Variants in PPARGC1B observed in about 807,000 individuals in gnomAD.
PPARGC1B encodes the protein peroxisome proliferator-activated receptor gamma coactivator 1-beta.
In PPARGC1B, 34 loss-of-function variants were observed where a neutral mutation model predicts 101.6. That is an observed-to-expected ratio of 0.33 (90% CI 0.25 to 0.45). PPARGC1B has a LOEUF of 0.45. PPARGC1B is among the 20% of genes least tolerant of loss of function. PPARGC1B has a pLI of 1.00. For synonymous variants in PPARGC1B, 548 were observed against 539.3 expected (o/e 1.02, Z -0.22); for missense variants, 1,234 against 1,317.6 (o/e 0.94, Z 0.98).
chr5:149,780,909 G>A (rs1375304447), intron 1 of PPARGC1B, among the ~76,000 whole-genome samples: 1 of 152,186 alleles, frequency 6.6e-6, no homozygotes, highest in Non-Finnish European at 1.5e-5. Context: ...CTCGAGCTAA[G>A]AAGGGGCTTT....
chr5:149,830,009 T>G (rs35536197), intron 3 of PPARGC1B, among the ~76,000 whole-genome samples: 16,927 of 120,334 alleles, frequency 0.14, 1,386 homozygotes, highest in Middle Eastern at 0.28. Flanking sequence ...CACTCCAGCC[T>G]AGGTGACAGA....
Position 149,832,960 on chromosome 5 carries a change from C to G in PPARGC1B, c.887C>G (p.Thr296Ser), listed in dbSNP as rs767117783. 1.9e-6 allele frequency: 3 copies of G among 1,613,164 alleles called. No homozygotes were observed. The East Asian group carries it at 6.7e-5, about 36-fold the overall frequency. ...AMVQLIRYMHTYCLPQRKLPP... is the reference protein window; with the variant it reads ...AMVQLIRYMHSYCLPQRKLPP... ...GTGCAACTCATACGCTACATGCACACCTACTGCCTCCCCCAGAGGAAGCTG... is the reference window on the plus strand; with the variant it reads ...GTGCAACTCATACGCTACATGCACAGCTACTGCCTCCCCCAGAGGAAGCTG... Residue 296 changes from threonine (T) to serine (S), a missense_variant, in exon 5 of 12, where the codon ACC becomes AGC. By Grantham distance (58) the Thr-to-Ser change is moderately conservative. Around this residue, in one of 3 missense-constraint regions of PPARGC1B, gnomAD observed 734 missense variants for 768.4 expected, o/e 0.96. Transcript: ENST00000309241. The surrounding 1 kb of genome is among the most constrained non-coding windows in gnomAD (Gnocchi z 4.9).
chr5:149,844,421 T>C (rs1759470850), intron 10 of PPARGC1B, among the ~76,000 whole-genome samples: 1 of 152,210 alleles, frequency 6.6e-6, no homozygotes, highest in South Asian at 2.1e-4. Context: ...ACAGATTACT[T>C]GAGGCTAGGA....
At chr5:149,786,404 G>C (rs1412315356) in intron 1 of PPARGC1B, among the ~76,000 whole-genome samples, 3 of 151,484 alleles carry the variant, frequency 2.0e-5, no homozygotes, top group Non-Finnish European at 2.9e-5. Context: ...CCAGATTTTT[G>C]TATTTTTTAT....
chr5:149,779,938 T>A lies in PPARGC1B; in HGVS notation c.79-40495T>A, dbSNP rs1359970978. On this transcript the variant is annotated intron_variant, in intron 1 of 11. Transcript: ENST00000309241. ...TCCCCTGGCCTTGGTCTGCACAAGATCTCTCCTGTTTGCTGGTGTCATTTT... is the reference window on the plus strand; with the variant it reads ...TCCCCTGGCCTTGGTCTGCACAAGAACTCTCCTGTTTGCTGGTGTCATTTT... Among the ~76,000 whole-genome samples, 3 of 152,270 alleles carry A rather than the reference T, an allele frequency of 2.0e-5. No individual in the cohort carries two copies. The East Asian group carries it at 5.8e-4, about 29-fold the overall frequency.
At chr5:149,768,483 G>A (rs376435312) in intron 1 of PPARGC1B, among the ~76,000 whole-genome samples, 1,473 of 127,516 alleles carry the variant, frequency 0.012, 26 homozygotes, top group African/African-American at 0.043. Context: ...TTGCTCTGTC[G>A]CCCACACTGG....
At chr5:149,734,009 T>C (rs1206447268) in intron 1 of PPARGC1B, among the ~76,000 whole-genome samples, 4 of 152,158 alleles carry the variant, frequency 2.6e-5, no homozygotes, top group Non-Finnish European at 5.9e-5. Flanking sequence ...CCTGTTCATA[T>C]AGATCACATC....
At chr5:149,807,631 C>A (rs1757650285) in intron 1 of PPARGC1B, among the ~76,000 whole-genome samples, 2 of 152,158 alleles carry the variant, frequency 1.3e-5, no homozygotes, top group African/African-American at 2.4e-5. Flanking sequence ...TGTAACTCAC[C>A]TCAAAGCTGA....
intron 1 of PPARGC1B, among the ~76,000 whole-genome samples, chr5:149,765,484 C>T (rs1221224898): frequency 6.6e-6 from 1 of 152,190 alleles, no homozygotes; most frequent in Non-Finnish European, 1.5e-5. Context: ...GTCATATCTC[C>T]TCTGGTCTGT....
rs117502028 is a variant in PPARGC1B, at chr5:149,829,554, C to G, written c.466-1213C>G. The stretch of plus-strand genomic sequence containing the variant: ...TGTACTAAAATCTCATGATCTTTCT[C>G]AGTTTGTTATCAAGCTTGGCTAGGA... On this transcript the variant is annotated intron_variant, in intron 3 of 11. Transcript: ENST00000309241. 3.3e-3 allele frequency among the ~76,000 whole-genome samples: 504 copies of G among 152,206 alleles called. 9 individuals are homozygous for G. The highest frequency in any genetic ancestry group is 0.02 in the East Asian group (105 of 5,168).
chr5:149,856,645 C>T (rs181489937), downstream of PPARGC1B, among the ~76,000 whole-genome samples: 77 of 152,314 alleles, frequency 5.1e-4, no homozygotes, highest in Non-Finnish European at 4.3e-4. Flanking sequence ...CTTAGCTGAA[C>T]TCAAAGGTCC....
At chr5:149,776,807 T>G (rs1000913928) in intron 1 of PPARGC1B, among the ~76,000 whole-genome samples, 1 of 152,226 alleles carries the variant, frequency 6.6e-6, no homozygotes, top group Non-Finnish European at 1.5e-5. Context: ...CAGGATTGTG[T>G]ATGTGGTTCT....
rs113062865 is a variant in PPARGC1B at position 149,752,380 on chromosome 5, G to A, written c.78+21960G>A. On this transcript the variant is annotated intron_variant, in intron 1 of 11. Coordinates refer to ENST00000309241, the MANE Select transcript of PPARGC1B (RefSeq NM_133263.4). ...GAGCAGAACCAAGGGGAAGAGATTGGTGGGGCTCACGCAGAGCAAGCCCCA... is the reference window on the plus strand; with the variant it reads ...GAGCAGAACCAAGGGGAAGAGATTGATGGGGCTCACGCAGAGCAAGCCCCA... Among the ~76,000 whole-genome samples, 1,280 of 152,334 alleles carry A rather than the reference G, an allele frequency of 8.4e-3. 20 individuals are homozygous for A. The highest frequency in any genetic ancestry group is 0.029 in the African/African-American group (1,194 of 41,556).
At chr5:149,766,247 C>A (rs1755909949) in intron 1 of PPARGC1B, among the ~76,000 whole-genome samples, 4 of 152,102 alleles carry the variant, frequency 2.6e-5, no homozygotes, top group Admixed American at 1.3e-4. Flanking sequence ...GTTTAGGCAA[C>A]AAGGTAACCA....
At chr5:149,750,356 C>A (rs1468932084) in intron 1 of PPARGC1B, among the ~76,000 whole-genome samples, 1 of 151,164 alleles carries the variant, frequency 6.6e-6, no homozygotes, top group East Asian at 1.9e-4. Flanking sequence ...ACAATAATTT[C>A]TTCCCCTTTT....
In PPARGC1B at chr5:149,804,233, C is replaced by A. The variant is rs141483691; in HGVS notation, c.79-16200C>A. Among the ~76,000 whole-genome samples the A allele has an allele frequency of 4.4e-3, 675 of 152,354 alleles. 4 individuals carry two copies. The highest frequency in any genetic ancestry group is 0.015 in the African/African-American group (634 of 41,578). On this transcript the variant is annotated intron_variant, in intron 1 of 11. Coordinates refer to ENST00000309241, the MANE Select transcript of PPARGC1B (RefSeq NM_133263.4). The stretch of plus-strand genomic sequence containing the variant: ...CCTCTGCGCCTCCACCCCACACCCT[C>A]CCGTCCTGCAAAGGTTTAGTAAGCA...
At chr5:149,755,042 T>TATAC (rs200763083) in intron 1 of PPARGC1B, among the ~76,000 whole-genome samples, 21,449 of 111,082 alleles carry the variant, frequency 0.19, 1,889 homozygotes, top group Non-Finnish European at 0.21. Flanking sequence ...TACATATACA[T>TATAC]ATACATATAC....
intron 1 of PPARGC1B, among the ~76,000 whole-genome samples, chr5:149,771,438 G>T (rs1756128128): frequency 6.6e-6 from 1 of 152,222 alleles, no homozygotes; most frequent in African/African-American, 2.4e-5. Context: ...CTGGAGGAGG[G>T]CCAGAGTGAT....
At chr5:149,751,358 A>G (rs891589650) in intron 1 of PPARGC1B, among the ~76,000 whole-genome samples, 1 of 152,332 alleles carries the variant, frequency 6.6e-6, no homozygotes, top group East Asian at 1.9e-4. Context: ...CAAAAATGAT[A>G]TGCATTAATT....
Sources: gnomAD v4.1 joint callset for allele counts (sites outside exome capture counted in the v4.1 genomes callset) on GRCh38, gnomAD v4.1.1 for gene constraint, gnomAD v4.1.1 regional missense constraint, Gnocchi (gnomAD v3.1) non-coding constraint, MANE v1.5 for transcripts, NCBI Gene and HGNC (gene_info 2026-07-23, HGNC 2026-07-21) for gene names.